The following PGM1 variants were observed in gnomAD, a reference collection of about 807,000 sequenced individuals.
PGM1 encodes the protein phosphoglucomutase 1, also known as phosphoglucomutase-1.
A neutral mutation model predicts 55.6 loss-of-function variants in PGM1; 52 were observed. The observed-to-expected ratio is 0.94, with a 90% CI of 0.75 to 1.18. PGM1 has a LOEUF of 1.18. Ranked by LOEUF, PGM1 falls within the 50% of genes most tolerant of loss-of-function variation. PGM1 has a pLI of 0.00. For synonymous variants in PGM1, 287 were observed against 271.7 expected (o/e 1.06, Z -0.55); for missense variants, 724 against 729.3 (o/e 0.99, Z 0.08).
At chr1:63,649,603 A>G (rs1649752164) in intron 8 of PGM1, among the ~76,000 whole-genome samples, 4 of 152,254 alleles carry the variant, frequency 2.6e-5, no homozygotes. Flanking sequence ...AATATATCCC[A>G]GATTTTATAG....
At chr1:63,654,523 C>T in intron 10 of PGM1, 57 bp downstream of exon 10, 2 of 1,578,540 alleles carry the variant, frequency 1.3e-6, no homozygotes, top group African/African-American at 1.3e-5. Context: ...ATGATAGTTT[C>T]CCATTGAGCC....
chr1:63,620,072 T>C (rs1648842959), intron 1 of PGM1, among the ~76,000 whole-genome samples: 1 of 152,194 alleles, frequency 6.6e-6, no homozygotes, highest in Non-Finnish European at 1.5e-5. Context: ...ACATGTGACC[T>C]GTTTTCAGTT....
intron 1 of PGM1, among the ~76,000 whole-genome samples, chr1:63,613,259 CTTTTTTT>C (rs11377805): frequency 9.3e-6 from 1 of 107,830 alleles, no homozygotes; most frequent in African/African-American, 4.0e-5. Flanking sequence ...GTTGGCTTAT[CTTTTTTT>C]TTTTTTTTTT....
At chr1:63,647,994 G>C (rs1191323100) in intron 7 of PGM1, among the ~76,000 whole-genome samples, 1 of 152,086 alleles carries the variant, frequency 6.6e-6, no homozygotes, top group East Asian at 1.9e-4. Flanking sequence ...TCAGTATCAT[G>C]TTGCCTACTT....
In PGM1 at chr1:63,641,494, G is replaced by T. The variant is rs188388897; in HGVS notation, c.1144+2694G>T. On this transcript the variant is annotated intron_variant, in intron 7 of 10. Coordinates refer to ENST00000371084, the MANE Select transcript of PGM1 (RefSeq NM_002633.3). The stretch of plus-strand genomic sequence containing the variant: ...ATGTTTCCAACAGTTCTTTCATAGA[G>T]TTTCTCAGGGTAGACATTAGTGACT... Among the ~76,000 whole-genome samples the T allele has an allele frequency of 8.5e-5, 13 of 152,266 alleles. No individual in the cohort carries two copies. In the East Asian group the frequency reaches 2.5e-3, roughly 29 times the overall value.
chr1:63,598,362 T>G (rs528591350), intron 1 of PGM1, among the ~76,000 whole-genome samples: 1 of 152,280 alleles, frequency 6.6e-6, no homozygotes, highest in South Asian at 2.1e-4. Flanking sequence ...AATCAAAATA[T>G]TAAAAAACCA....
chr1:63,596,349 C>G (rs1048730660), intron 1 of PGM1, among the ~76,000 whole-genome samples: 7 of 150,692 alleles, frequency 4.6e-5, no homozygotes, highest in South Asian at 2.1e-4. Flanking sequence ...CTCTGCCTCC[C>G]AGGTTCAAGC....
At chr1:63,623,412 T>G in intron 1 of PGM1, 1 of 1,586,726 alleles carries the variant, frequency 6.3e-7, no homozygotes. Flanking sequence ...TTGGAGTCCC[T>G]TGACTGCTTT....
chr1:63,638,198 C>G (rs777210558), intron 6 of PGM1, among the ~76,000 whole-genome samples: 10 of 152,308 alleles, frequency 6.6e-5, no homozygotes, highest in Middle Eastern at 3.4e-3. Flanking sequence ...GAGCTGAATA[C>G]TGGGCGGTCG....
At chr1:63,633,089 A>G (rs2100985150) in intron 4 of PGM1, among the ~76,000 whole-genome samples, 1 of 152,294 alleles carries the variant, frequency 6.6e-6, no homozygotes, top group South Asian at 2.1e-4. Flanking sequence ...TGGAATTTCA[A>G]GTATTCTCTT....
At chr1:63,633,932 A>ATTTTTATTTTTATT (rs1649285204) in intron 4 of PGM1, among the ~76,000 whole-genome samples, 1 of 35,350 alleles carries the variant, frequency 2.8e-5, no homozygotes, top group African/African-American at 1.6e-4. Context: ...ATATATATAT[A>ATTTTTATTTTTATT]TTTTTTTTTT....
At chr1:63,616,070 G>A (rs1338547719) in intron 1 of PGM1, among the ~76,000 whole-genome samples, 1 of 152,040 alleles carries the variant, frequency 6.6e-6, no homozygotes, top group Non-Finnish European at 1.5e-5. Flanking sequence ...TCCTTAACTG[G>A]TTCTCTTTTT....
chr1:63,595,904 C>G (rs1648051614), intron 1 of PGM1, among the ~76,000 whole-genome samples: 1 of 152,188 alleles, frequency 6.6e-6, no homozygotes, highest in African/African-American at 2.4e-5. Flanking sequence ...TTGCTCTTCT[C>G]TCAGCCAACC....
rs79888771 is a variant in PGM1 at position 63,626,270 on chromosome 1, T to C, written c.247-3155T>C. 1.0e-3 allele frequency among the ~76,000 whole-genome samples: 156 copies of C among 152,282 alleles called. 1 individual carries two copies. The East Asian group carries it at 0.02, about 20-fold the overall frequency. On this transcript the variant is annotated intron_variant, in intron 1 of 10. Coordinates refer to ENST00000371084, the MANE Select transcript of PGM1 (RefSeq NM_002633.3). ...TCAGTGTATGGTTCCCTGGCATTAATTACACTCACAATGTTTTACAACCAT... is the reference window on the plus strand; with the variant it reads ...TCAGTGTATGGTTCCCTGGCATTAACTACACTCACAATGTTTTACAACCAT...
intron 4 of PGM1, among the ~76,000 whole-genome samples, 159 bp from the exon 5 acceptor site, chr1:63,634,670 C>T (rs1031881262): frequency 1.2e-4 from 18 of 152,150 alleles, no homozygotes; most frequent in African/African-American, 2.9e-4. Flanking sequence ...TCCAGTCAGG[C>T]GTATCTCTCC....
At chr1:63,605,886 A>C in intron 1 of PGM1, among the ~76,000 whole-genome samples, 1 of 152,208 alleles carries the variant, frequency 6.6e-6, no homozygotes, top group East Asian at 1.9e-4. Flanking sequence ...GAAAGATTTT[A>C]GACACAGCCT....
intron 4 of PGM1, 63 bp from the exon 5 acceptor site, chr1:63,634,766 C>A (rs1649315936): frequency 1.4e-6 from 2 of 1,413,652 alleles, no homozygotes; most frequent in South Asian, 2.3e-5. Context: ...CCCCTGAATC[C>A]TCACATACTT....
intron 7 of PGM1, among the ~76,000 whole-genome samples, chr1:63,642,936 A>T (rs545574394): frequency 6.6e-6 from 1 of 152,218 alleles, no homozygotes; most frequent in Non-Finnish European, 1.5e-5. Flanking sequence ...TCTGGGACAC[A>T]TGGTGAACAA....
intron 10 of PGM1, among the ~76,000 whole-genome samples, chr1:63,658,515 G>A (rs1248850785): frequency 6.6e-6 from 1 of 151,970 alleles, no homozygotes; most frequent in Non-Finnish European, 1.5e-5. Flanking sequence ...CACTTTGGGA[G>A]GCCAAGGCAG....
Sources: allele counts gnomAD v4.1 joint callset (sites outside exome capture counted in the v4.1 genomes callset), GRCh38; gene constraint gnomAD v4.1.1; transcripts MANE v1.5; gene names NCBI Gene and HGNC (gene_info 2026-07-23, HGNC 2026-07-21).